ADGRL2: variants seen among roughly 807,000 people sequenced by gnomAD.
The protein encoded by ADGRL2 is calcium-independent alpha-latrotoxin receptor 2.
In ADGRL2, 44 loss-of-function variants were observed where a neutral mutation model predicts 157.4. The observed-to-expected ratio is 0.28, with a 90% CI of 0.22 to 0.36. The LOEUF is 0.36. Among genes scored for constraint, ADGRL2 ranks in the 10% least tolerant of loss-of-function variants. The probability of loss-of-function intolerance (pLI) is 1.00; values close to 1 mark genes in which losing one functional copy is unlikely to be tolerated. For missense variants in ADGRL2, 1,510 were observed against 1,768.9 expected, an observed-to-expected ratio of 0.85 and a Z score of 2.63; for synonymous variants, 585 against 624.7, an observed-to-expected ratio of 0.94 and a Z score of 0.95.
intron 17 of ADGRL2, among the ~76,000 whole-genome samples, chr1:81,979,123 T>C (rs913249759): frequency 6.6e-5 from 10 of 151,786 alleles, no homozygotes; most frequent in Admixed American, 5.3e-4. Context: ...AGCAAGCTCA[T>C]GTTGACCTCT....
At chr1:81,864,704 G>A (rs1375575546) in intron 2 of ADGRL2, among the ~76,000 whole-genome samples, 1 of 152,162 alleles carries the variant, frequency 6.6e-6, no homozygotes, top group East Asian at 1.9e-4. Flanking sequence ...GCTCACACCT[G>A]TAATCCCAGC....
In ADGRL2 at chr1:81,394,879, T is replaced by TTTTATTTA. The variant is rs57145205; in HGVS notation, c.-301-50124_-301-50117dup. Among the ~76,000 whole-genome samples the TTTTATTTA allele has an allele frequency of 4.0e-4, 58 of 143,296 alleles. 1 individual carries two copies. The highest frequency in any genetic ancestry group is 5.2e-4 in the African/African-American group (20 of 38,124). The allele number at this position is 143,296 out of a possible 152,430, so 94.0% of individuals were successfully genotyped here. On this transcript the variant is annotated intron_variant, in intron 1 of 24. Coordinates refer to the ADGRL2 transcript ENST00000370721. ...GCATTTGTTATATTTTGTCTCTCTT[T>TTTTATTTA]TTTATTTATTTATTTATTTATTTAT...
chr1:81,967,640 A>G (rs1233623773), intron 13 of ADGRL2, among the ~76,000 whole-genome samples: 1 of 152,186 alleles, frequency 6.6e-6, no homozygotes, highest in Non-Finnish European at 1.5e-5. Flanking sequence ...AGAACTAACC[A>G]AAAATGGGCC....
intron 1 of ADGRL2, among the ~76,000 whole-genome samples, chr1:81,817,971 C>T (rs1246478155): frequency 4.6e-5 from 7 of 151,844 alleles, no homozygotes; most frequent in African/African-American, 1.7e-4. Context: ...CGAGATCGGC[C>T]TGGGTAACAT....
intron 3 of ADGRL2, among the ~76,000 whole-genome samples, chr1:81,617,162 G>A (rs1269547980): frequency 6.6e-6 from 1 of 152,182 alleles, no homozygotes; most frequent in African/African-American, 2.4e-5. Context: ...TCTATGAGCC[G>A]GCATTGCTGC....
upstream of ADGRL2, among the ~76,000 whole-genome samples, chr1:81,799,432 C>A (rs981913466): frequency 6.6e-6 from 1 of 152,128 alleles, no homozygotes; most frequent in Non-Finnish European, 1.5e-5. Context: ...CTGAGAATTA[C>A]AATGAAACCA....
chr1:81,490,585 A>G (rs2078610809), intron 2 of ADGRL2, among the ~76,000 whole-genome samples: 1 of 152,238 alleles, frequency 6.6e-6, no homozygotes, highest in South Asian at 2.1e-4. Context: ...GAAACTGCAC[A>G]TTAAAACTAC....
chr1:81,398,749 T>G (rs191161198), intron 1 of ADGRL2, among the ~76,000 whole-genome samples: 150 of 151,802 alleles, frequency 9.9e-4, no homozygotes, highest in African/African-American at 3.3e-3. Context: ...TCTATAAGAC[T>G]TCTGCTGAGA....
chr1:81,427,300 T>C (rs11163290), intron 1 of ADGRL2: 608,096 of 725,140 alleles, frequency 0.84, 256,075 homozygotes, highest in East Asian at 0.91. Context: ...TTAGAGGCGA[T>C]GGTGGCAACT....
At chr1:81,858,615 C>T (rs1360971549) in intron 2 of ADGRL2, among the ~76,000 whole-genome samples, 1 of 152,116 alleles carries the variant, frequency 6.6e-6, no homozygotes, top group South Asian at 2.1e-4. Flanking sequence ...CTTCCACCGA[C>T]TGCACAGGGT....
intron 1 of ADGRL2, among the ~76,000 whole-genome samples, chr1:81,704,311 T>G (rs2083664595): frequency 6.6e-6 from 1 of 152,234 alleles, no homozygotes; most frequent in Admixed American, 6.5e-5. Flanking sequence ...GGTGCATTCT[T>G]AGGCTTAGCT....
intron 1 of ADGRL2, among the ~76,000 whole-genome samples, chr1:81,343,444 A>G (rs1662235700): frequency 6.6e-6 from 1 of 152,188 alleles, no homozygotes; most frequent in Admixed American, 6.5e-5. Flanking sequence ...GTACAATAAA[A>G]ACATGTTTTA....
chr1:81,851,150 A>G (rs2092991863), intron 2 of ADGRL2, among the ~76,000 whole-genome samples: 1 of 151,966 alleles, frequency 6.6e-6, no homozygotes, highest in Admixed American at 6.6e-5. Flanking sequence ...AGTATACTTT[A>G]AGCATATTTT....
intron 1 of ADGRL2, among the ~76,000 whole-genome samples, chr1:81,824,536 A>C (rs749694594): frequency 1.3e-5 from 2 of 152,158 alleles, no homozygotes; most frequent in Non-Finnish European, 2.9e-5. Flanking sequence ...TGGCTCCCCA[A>C]ATTGCTGGGA....
At chr1:81,635,710 G>T (rs751908747) in intron 3 of ADGRL2, among the ~76,000 whole-genome samples, 29 of 152,000 alleles carry the variant, frequency 1.9e-4, no homozygotes, top group Non-Finnish European at 3.8e-4. Context: ...CTCCCAAAAG[G>T]CCCCACCTCC....
chr1:81,388,431 C>A (rs1267967023), intron 1 of ADGRL2, among the ~76,000 whole-genome samples: 1 of 130,000 alleles, frequency 7.7e-6, no homozygotes, highest in South Asian at 2.9e-4. Flanking sequence ...GTAAAAATAC[C>A]AGCCACAACT....
chr1:81,344,096 G>A (rs538481545), intron 1 of ADGRL2, among the ~76,000 whole-genome samples: 35 of 152,210 alleles, frequency 2.3e-4, no homozygotes, highest in African/African-American at 8.4e-4. Context: ...TTGAGACAGA[G>A]TCTCCCTCTG....
At chr1:81,602,016 C>T (rs1036700030) in intron 3 of ADGRL2, among the ~76,000 whole-genome samples, 3 of 152,138 alleles carry the variant, frequency 2.0e-5, no homozygotes, top group African/African-American at 4.8e-5. Flanking sequence ...GGCACCATTC[C>T]GAATTTTAAT....
chr1:81,588,065 GGGA>G (rs1335696122), intron 3 of ADGRL2, among the ~76,000 whole-genome samples: 1 of 152,040 alleles, frequency 6.6e-6, no homozygotes, highest in East Asian at 1.9e-4. Context: ...CTTGGGTGGA[GGGA>G]AACAAGAGGA....
Sources: allele counts gnomAD v4.1 joint callset (sites outside exome capture counted in the v4.1 genomes callset), GRCh38; gene constraint gnomAD v4.1.1; transcripts MANE v1.5; gene names NCBI Gene and HGNC (gene_info 2026-07-23, HGNC 2026-07-21).